Variants in DPP6 observed in about 807,000 individuals in gnomAD.
DPP6 encodes A-type potassium channel modulatory protein DPP6.
A neutral mutation model predicts 122.6 loss-of-function variants in DPP6; 69 were observed. The observed-to-expected ratio is 0.56, with a 90% confidence interval of 0.46 to 0.69. The LOEUF (loss-of-function observed/expected upper bound fraction) is 0.69, where lower values mean the gene tolerates loss of function less well. DPP6 is among the 30% of genes least tolerant of loss of function. The pLI is 0.00. For missense variants in DPP6, 928 were observed against 1,116.9 expected (o/e 0.83, Z 2.41); for synonymous variants, 418 against 433.1 (o/e 0.97, Z 0.43).
intron 1 of DPP6, among the ~76,000 whole-genome samples, chr7:154,408,608 C>A (rs1384979326): frequency 6.6e-6 from 1 of 152,176 alleles, no homozygotes; most frequent in Non-Finnish European, 1.5e-5. Flanking sequence ...GGCATTGATA[C>A]ACGGCTATTA....
intron 1 of DPP6, among the ~76,000 whole-genome samples, chr7:154,167,393 G>A (rs1037902242): frequency 1.3e-5 from 2 of 152,236 alleles, no homozygotes; most frequent in Non-Finnish European, 2.9e-5. Flanking sequence ...AGCTATAGGT[G>A]CTGGGTGAGT....
At chr7:154,244,054 A>G (rs543629329) in intron 1 of DPP6, among the ~76,000 whole-genome samples, 13 of 152,162 alleles carry the variant, frequency 8.5e-5, no homozygotes, top group Non-Finnish European at 1.6e-4. Context: ...TAAAATTTCA[A>G]GAAACCCCAC....
intron 7 of DPP6, among the ~76,000 whole-genome samples, chr7:154,726,057 C>T (rs1169081701): frequency 2.0e-5 from 3 of 152,192 alleles, no homozygotes. Flanking sequence ...GATCTTGGGC[C>T]ACTCTGCCCT....
At chr7:154,005,922 A>T (rs1033316026) in intron 1 of DPP6, among the ~76,000 whole-genome samples, 26 of 152,252 alleles carry the variant, frequency 1.7e-4, no homozygotes, top group East Asian at 5.8e-4. Context: ...AGCCAGCACT[A>T]CCTAGGCACT....
intron 1 of DPP6, among the ~76,000 whole-genome samples, chr7:153,958,337 C>G (rs554910959): frequency 1.3e-5 from 2 of 152,112 alleles, no homozygotes; most frequent in Non-Finnish European, 1.5e-5. Flanking sequence ...TGTCCTGAAG[C>G]GTTGCCTCAT....
At chr7:154,598,205 T>C (rs865926034) in intron 5 of DPP6, among the ~76,000 whole-genome samples, 4 of 152,248 alleles carry the variant, frequency 2.6e-5, no homozygotes, top group African/African-American at 9.6e-5. Context: ...AGTATTAATA[T>C]ATGAAACTGC....
intron 1 of DPP6, among the ~76,000 whole-genome samples, chr7:154,382,641 G>A (rs1460150886): frequency 6.6e-6 from 1 of 152,224 alleles, no homozygotes; most frequent in Non-Finnish European, 1.5e-5. Context: ...TTATTTGTTA[G>A]GGAATGAATG....
At chr7:153,778,505 G>A in the DPP6 span, among the ~76,000 whole-genome samples, 3 of 150,098 alleles carry the variant, frequency 2.0e-5, no homozygotes, top group South Asian at 6.2e-4. Context: ...ATGGGTTCAG[G>A]TTTATTTAGG....
At chr7:154,470,346 GCA>G (rs762287874) in intron 2 of DPP6, among the ~76,000 whole-genome samples, 23 of 152,156 alleles carry the variant, frequency 1.5e-4, no homozygotes, top group Non-Finnish European at 2.8e-4. Context: ...AGACTATAAA[GCA>G]CTTTAGAGTT....
At chr7:154,381,419 T>C (rs940567494) in intron 1 of DPP6, among the ~76,000 whole-genome samples, 6 of 152,216 alleles carry the variant, frequency 3.9e-5, no homozygotes, top group Admixed American at 6.5e-5. Flanking sequence ...CCTACACATG[T>C]AATGCCTCTA....
chr7:154,200,008 AG>A (rs1480644579), intron 1 of DPP6, among the ~76,000 whole-genome samples: 12 of 152,326 alleles, frequency 7.9e-5, no homozygotes, highest in African/African-American at 2.9e-4. Flanking sequence ...TGGGCTTAGC[AG>A]TCTCCTCAAC....
intron 1 of DPP6, among the ~76,000 whole-genome samples, chr7:154,398,126 G>T (rs538962482): frequency 6.6e-6 from 1 of 152,158 alleles, no homozygotes; most frequent in African/African-American, 2.4e-5. Context: ...GAGGTTGAGG[G>T]TGTTAATGAC....
At chr7:154,838,348 T>G (rs1584855086) in intron 16 of DPP6, 1 of 152,298 alleles carries the variant, frequency 6.6e-6, no homozygotes, top group Non-Finnish European at 1.5e-5. Context: ...AAGCCCAATA[T>G]GGAAATAGCG....
intron 1 of DPP6, among the ~76,000 whole-genome samples, chr7:154,266,160 C>T (rs976743393): frequency 9.9e-5 from 15 of 152,092 alleles, no homozygotes; most frequent in Admixed American, 4.6e-4. Flanking sequence ...TTAACTAAAC[C>T]GATCAGACTG....
intron 1 of DPP6, among the ~76,000 whole-genome samples, chr7:154,292,142 C>T (rs1311525932): frequency 6.6e-6 from 1 of 152,144 alleles, no homozygotes. Flanking sequence ...AGAGATATGG[C>T]ACTCTTACGT....
chr7:154,058,416 C>CAAT (rs1801110879), intron 1 of DPP6: 1 of 130,104 alleles, frequency 7.7e-6, no homozygotes, highest in African/African-American at 3.0e-5. Context: ...GGCAACCCCG[C>CAAT]GAGGGTGGGG....
chr7:154,853,683 C>T, intron 16 of DPP6, 97 bp from the exon 17 acceptor site: 1 of 1,518,276 alleles, frequency 6.6e-7, no homozygotes, highest in Non-Finnish European at 8.9e-7. Context: ...CTCCGCACGT[C>T]TATCTACGTG....
At position 154,893,593 on chromosome 7, in the gene DPP6, G is replaced by C. The variant is rs1030299849; in HGVS notation, c.*1113G>C. The C allele has an allele frequency of 9.2e-5, 14 of 152,098 alleles. No homozygotes were observed. The highest frequency in any genetic ancestry group is 3.4e-4 in the African/African-American group (14 of 41,404). 9.4% of individuals were successfully genotyped at this position (152,098 alleles called of 1,614,324 possible). ...CGCATCCCTCTCCCATCGTGGGGGT[G>C]GCTCCGTGACCTTCCTGCCACGAGC... On this transcript the variant is annotated 3_prime_UTR_variant, in exon 26 of 26. Transcript: ENST00000377770.
intron 7 of DPP6, among the ~76,000 whole-genome samples, chr7:154,704,672 T>A (rs1434394087): frequency 1.3e-5 from 2 of 152,246 alleles, no homozygotes; most frequent in Non-Finnish European, 2.9e-5. Context: ...AAGGCTTAGA[T>A]GATTGTTAGC....
Sources: gnomAD v4.1 joint callset for allele counts (sites outside exome capture counted in the v4.1 genomes callset) on GRCh38, gnomAD v4.1.1 for gene constraint, MANE v1.5 for transcripts, NCBI Gene and HGNC (gene_info 2026-07-23, HGNC 2026-07-21) for gene names.